Variants in GLUD1 observed in about 807,000 individuals in gnomAD.
GLUD1 encodes the protein glutamate dehydrogenase 1.
In GLUD1, 22 loss-of-function variants were observed where a neutral mutation model predicts 56.0. That is an observed-to-expected ratio of 0.39 (90% confidence interval 0.28 to 0.56). GLUD1 has a LOEUF of 0.56. Ranked by LOEUF, GLUD1 falls within the 20% of genes least tolerant of loss-of-function variation. The probability of loss-of-function intolerance (pLI) is 0.58; values close to 1 mark genes in which losing one functional copy is unlikely to be tolerated. For synonymous variants in GLUD1, 223 were observed against 269.9 expected (o/e 0.83, Z 1.70); for missense variants, 451 against 732.0 (o/e 0.62, Z 4.43).
intron 8 of GLUD1, 195 bp downstream of exon 8, chr10:87,060,493 A>G: frequency 1.4e-6 from 1 of 729,996 alleles, no homozygotes; most frequent in Non-Finnish European, 2.3e-6. Flanking sequence ...TTGTTTTGGT[A>G]ATGGTTGCAC....
chr10:87,055,447 G>T (rs565270513), intron 11 of GLUD1, among the ~76,000 whole-genome samples: 2 of 152,270 alleles, frequency 1.3e-5, no homozygotes, highest in East Asian at 3.9e-4. Flanking sequence ...AACTGACAAG[G>T]CATATGCTGG....
At chr10:87,091,611 G>A in intron 1 of GLUD1, 2 of 964,992 alleles carry the variant, frequency 2.1e-6, no homozygotes, top group South Asian at 9.6e-5. Flanking sequence ...ACGGCCTCAG[G>A]TACATGTAGT....
At chr10:87,069,431 C>T (rs1158609523) in intron 4 of GLUD1, among the ~76,000 whole-genome samples, 2 of 150,280 alleles carry the variant, frequency 1.3e-5, no homozygotes, top group Non-Finnish European at 2.9e-5. Context: ...AGGAGAATCG[C>T]TTGAATGGAG....
chr10:87,057,691 C>A lies in GLUD1; in HGVS notation c.1494G>T (p.Ser498=). 6.6e-7 allele frequency: 1 copy of A among 1,513,404 alleles called. No individual in the cohort carries two copies. The highest frequency in any genetic ancestry group is 1.7e-4 in the Middle Eastern group (1 of 5,740). The allele number at this position is 1,513,404 out of a possible 1,614,324, so 93.7% of individuals were successfully genotyped here. A position where few individuals can be genotyped will look rare whatever the true frequency, so the allele number is the denominator to read the frequency against. ...ACAACTGTGGGGTCACCACACTCAC[C>A]GATATCCTGTCTTGGAACTCTGCCG... The part of the protein sequence containing the change: ...VPTAEFQDRI[S]GASEKDIVHS... Residue 498 remains serine, a splice_region_variant and synonymous_variant, in exon 11 of 13, where the codon TCG becomes TCT. Transcript: ENST00000277865.
intron 1 of GLUD1, among the ~76,000 whole-genome samples, chr10:87,079,942 CTCTCCCCACGG>C (rs1841166496): frequency 7.6e-6 from 1 of 131,122 alleles, no homozygotes; most frequent in African/African-American, 3.3e-5. Context: ...CTCCCTCTCC[CTCTCCCCACGG>C]TCTCCCTCTC....
In GLUD1 at chr10:87,051,396, A is replaced by C. The variant is rs569595849; in HGVS notation, c.*355T>G. The C allele has an allele frequency of 9.8e-4, 367 of 375,280 alleles. 1 individual carries two copies. The highest frequency in any genetic ancestry group is 3.8e-3 in the Middle Eastern group (4 of 1,064). The allele number at this position is 375,280 out of a possible 1,614,324, so 23.2% of individuals were successfully genotyped here. A position where few individuals can be genotyped will look rare whatever the true frequency, so the allele number is the denominator to read the frequency against. The stretch of plus-strand genomic sequence containing the variant: ...TGTCCCAGACTCATCCAGAAAAAAT[A>C]AGCAAGCAACTGACTGCTCTTGACT... On this transcript the variant is annotated 3_prime_UTR_variant, in exon 13 of 13. Transcript: ENST00000277865.
intron 5 of GLUD1, among the ~76,000 whole-genome samples, chr10:87,063,398 A>G (rs1464893062): frequency 6.6e-6 from 1 of 152,206 alleles, no homozygotes; most frequent in Non-Finnish European, 1.5e-5. Context: ...TCTGACAGAA[A>G]AAACAAGAGT....
chr10:87,076,285 TAC>T (rs1201064458), intron 2 of GLUD1, among the ~76,000 whole-genome samples: 26 of 152,332 alleles, frequency 1.7e-4, no homozygotes, highest in Admixed American at 1.0e-3. Flanking sequence ...ATAGCTTATT[TAC>T]TCTCCTTCTA....
At chr10:87,056,217 A>G (rs117535427) in intron 11 of GLUD1, among the ~76,000 whole-genome samples, 1 of 150,946 alleles carries the variant, frequency 6.6e-6, no homozygotes, top group East Asian at 1.9e-4. Flanking sequence ...AAGATGTATT[A>G]TAAGATATAA....
chr10:87,079,428 C>T (rs543814214), intron 1 of GLUD1, among the ~76,000 whole-genome samples: 698 of 151,000 alleles, frequency 4.6e-3, no homozygotes, highest in Middle Eastern at 0.024. Context: ...CAGAGCCAGA[C>T]CTTTCCTCAA....
rs745366152 is a variant in GLUD1, at chr10:87,060,749, A to G, written c.1136T>C (p.Leu379Pro). 1.9e-6 allele frequency: 3 copies of G among 1,614,204 alleles called. No individual in the cohort carries two copies. The highest frequency in any genetic ancestry group is 2.5e-6 in the Non-Finnish European group (3 of 1,180,028). ...CTGCTTCTCACTGGCAGCTGGGATCAGTATGTCACAGTCGGCCTCCAAGAT... is the reference window on the plus strand; with the variant it reads ...CTGCTTCTCACTGGCAGCTGGGATCGGTATGTCACAGTCGGCCTCCAAGAT... ...GSILEADCDI[L>P]IPAASEKQLT... The change falls in exon 8 of 13, where the codon CTG (leucine) becomes CCG (proline). Residue 379 changes from leucine to proline, a missense_variant. Transcript: ENST00000277865.
At chr10:87,060,370 G>A in intron 8 of GLUD1, 129 bp from the exon 9 acceptor site, 1 of 786,464 alleles carries the variant, frequency 1.3e-6, no homozygotes. Context: ...AAGTTAAATA[G>A]AGGTTATTTT....
intron 6 of GLUD1, 88 bp from the exon 7 acceptor site, chr10:87,061,140 C>T: frequency 8.1e-7 from 1 of 1,228,730 alleles, no homozygotes; most frequent in Non-Finnish European, 1.2e-6. Context: ...AATCCATACT[C>T]TGTTTATTTA....
Position 87,094,133 on chromosome 10 carries a change from T to C in GLUD1, c.445+192A>G, listed in dbSNP as rs923007977. 9 of 1,458,168 alleles carry C rather than the reference T, an allele frequency of 6.2e-6. No homozygotes were observed. Among genetic ancestry groups the C allele is most frequent in the Non-Finnish European group, 7.3e-6 (8 of 1,101,836 alleles). 90.3% of individuals were successfully genotyped at this position (1,458,168 alleles called of 1,614,324 possible). A position where few individuals can be genotyped will look rare whatever the true frequency, so the allele number is the denominator to read the frequency against. On this transcript the variant is annotated intron_variant, in intron 1 of 12. Transcript: ENST00000277865. This position sits in a 1 kb window ranked among gnomAD's most constrained non-coding sequence, Gnocchi z 6.6. ...CGGGGGAGGGGGCAGGCCAATCGCA[T>C]GATGATTTTAAGGCGGAAAAATCAC...
intron 11 of GLUD1, among the ~76,000 whole-genome samples, chr10:87,055,266 T>G (rs960610041): frequency 6.7e-6 from 1 of 150,366 alleles, no homozygotes; most frequent in Non-Finnish European, 1.5e-5. Context: ...GACTGGGGAG[T>G]GACTGTAATG....
At chr10:87,071,172 G>T (rs1474386909) in intron 4 of GLUD1, among the ~76,000 whole-genome samples, 2 of 151,842 alleles carry the variant, frequency 1.3e-5, no homozygotes, top group African/African-American at 2.4e-5. Flanking sequence ...CTGAATAACA[G>T]ATATATTCTT....
At chr10:87,065,272 C>CAAAA (rs59540767) in intron 5 of GLUD1, among the ~76,000 whole-genome samples, 6 of 60,818 alleles carry the variant, frequency 9.9e-5, no homozygotes, top group African/African-American at 2.3e-4. Flanking sequence ...GACTCCGTCT[C>CAAAA]AAAAAAAAAA....
chr10:87,094,672 G>T lies in GLUD1; in HGVS notation c.98C>A (p.Ala33Asp). 2 of 1,551,378 alleles carry T rather than the reference G, an allele frequency of 1.3e-6. No individual in the cohort carries two copies. Among genetic ancestry groups the T allele is most frequent in the Non-Finnish European group, 1.7e-6 (2 of 1,148,772 alleles). The change falls in exon 1 of 13, where the codon GCC becomes GAC. Residue 33 changes from alanine to aspartate, a missense_variant. Ala to Asp is a moderately radical substitution (Grantham distance 126). Around this residue, in one of 4 missense-constraint regions of GLUD1, gnomAD observed 158 missense variants for 189.7 expected, o/e 0.83. Coordinates refer to ENST00000277865, the MANE Select transcript of GLUD1 (RefSeq NM_005271.5). The surrounding 1 kb of genome is among the most constrained non-coding windows in gnomAD (Gnocchi z 6.6). The stretch of plus-strand genomic sequence containing the variant: ...CGGGGCGGCGGCGGGCTGTCCCCGG[G>T]CCCAGCCCAGCAACGCGGCCGAGTC... Reference protein sequence around the residue: ...SADSAALLGWARGQPAAAPQP... With the variant: ...SADSAALLGWDRGQPAAAPQP...
At chr10:87,056,130 A>AAAAACAAAACAAAAC (rs1564762488) in intron 11 of GLUD1, among the ~76,000 whole-genome samples, 10 of 147,308 alleles carry the variant, frequency 6.8e-5, no homozygotes, top group African/African-American at 2.0e-4. Flanking sequence ...AAAAAAAAAA[A>AAAAACAAAACAAAAC]AAAAAAAAAA....
Sources: gnomAD v4.1 joint callset for allele counts (sites outside exome capture counted in the v4.1 genomes callset) on GRCh38, gnomAD v4.1.1 for gene constraint, gnomAD v4.1.1 regional missense constraint, Gnocchi (gnomAD v3.1) non-coding constraint, MANE v1.5 for transcripts, NCBI Gene and HGNC (gene_info 2026-07-23, HGNC 2026-07-21) for gene names.